The following NUTM2E variants were observed in gnomAD, a reference collection of about 807,000 sequenced individuals.
NUTM2E encodes NUT family member 2E, also known as family with sequence similarity 22, member E.
Under a neutral mutation model 26.1 loss-of-function variants are expected in NUTM2E, and 3 were observed. That is an observed-to-expected ratio of 0.12 (90% CI 0.05 to 0.30). The LOEUF (loss-of-function observed/expected upper bound fraction) is 0.30. Among genes scored for constraint, NUTM2E ranks in the 10% least tolerant of loss-of-function variants. The pLI is 1.00. For missense variants in NUTM2E, 62 were observed against 381.3 expected, an observed-to-expected ratio of 0.16 and a Z score of 6.97; for synonymous variants, 13 against 157.5, an observed-to-expected ratio of 0.08 and a Z score of 6.87.
At chr10:79,828,139 A>C (rs928347913) in intron 1 of NUTM2E, among the ~76,000 whole-genome samples, 1 of 151,422 alleles carries the variant, frequency 6.6e-6, no homozygotes, top group African/African-American at 2.4e-5. Context: ...TTTCAGAATG[A>C]GGCAACTGAT....
intron 1 of NUTM2E, among the ~76,000 whole-genome samples, chr10:79,836,671 A>G: frequency 6.6e-6 from 1 of 151,898 alleles, no homozygotes; most frequent in East Asian, 1.9e-4. Context: ...TAAACACTAC[A>G]AGCTAGAGAA....
rs1841937552 is a variant in NUTM2E, at chr10:79,833,163, A to T, written c.-2727-5146A>T. On this transcript the variant is annotated intron_variant, in intron 1 of 9. Coordinates refer to ENST00000429984, the MANE Select transcript of NUTM2E (RefSeq NM_001355263.2). The stretch of plus-strand genomic sequence containing the variant: ...TTCTATTTAGAGTAAGAATGCCCAC[A>T]TGTATTACAGTCCCCAAAAAGCAAT... 5.9e-5 allele frequency among the ~76,000 whole-genome samples: 9 copies of T among 152,080 alleles called. No individual in the cohort carries two copies. In the South Asian group the frequency reaches 1.9e-3, roughly 32 times the overall value.
chr10:79,836,435 ATTTAC>A (rs1213946080), intron 1 of NUTM2E, among the ~76,000 whole-genome samples: 7 of 151,848 alleles, frequency 4.6e-5, no homozygotes, highest in Non-Finnish European at 8.8e-5. Flanking sequence ...TAGCTTTTAA[ATTTAC>A]TTTATCTCTT....
intron 1 of NUTM2E, among the ~76,000 whole-genome samples, chr10:79,829,154 T>C (rs1172349412): frequency 6.6e-6 from 1 of 151,846 alleles, no homozygotes; most frequent in African/African-American, 2.4e-5. Flanking sequence ...TTCTGGGACC[T>C]TGGACACAGG....
At chr10:79,830,506 T>G (rs528868252) in intron 1 of NUTM2E, among the ~76,000 whole-genome samples, 2 of 151,860 alleles carry the variant, frequency 1.3e-5, no homozygotes, top group African/African-American at 4.8e-5. Context: ...TAAAAACATT[T>G]GTCAATGAAA....
In NUTM2E at chr10:79,826,885, G is replaced by C. The variant is rs921144458; in HGVS notation, c.-3200G>C. 1.3e-5 allele frequency: 2 copies of C among 151,356 alleles called. No homozygotes were observed. The highest frequency in any genetic ancestry group is 3.0e-5 in the Non-Finnish European group (2 of 67,762). The allele number at this position is 151,356 out of a possible 1,614,324, so 9.4% of individuals were successfully genotyped here. On this transcript the variant is annotated 5_prime_UTR_variant, in exon 1 of 10. Coordinates refer to ENST00000429984, the MANE Select transcript of NUTM2E (RefSeq NM_001355263.2). ...TAGTCCCGGACGGGCCCGCGGCATC[G>C]TCCGCGACGCAGCTCGGGATCCGGG...
intron 1 of NUTM2E, among the ~76,000 whole-genome samples, chr10:79,834,257 A>G (rs1338259991): frequency 6.6e-6 from 1 of 151,766 alleles, no homozygotes; most frequent in Admixed American, 6.6e-5. Context: ...TACGTAATGC[A>G]GATGACAGGT....
rs1186230564 is a variant in NUTM2E at position 79,838,841 on chromosome 10, G to T, written c.-2388G>T. Among the ~76,000 whole-genome samples the T allele has an allele frequency of 6.6e-6, 1 of 151,398 alleles. No homozygotes were observed. Among genetic ancestry groups the T allele is most frequent in the Non-Finnish European group, 1.5e-5 (1 of 67,778 alleles). ...TTGGGTCACCGCCCTTTGCTCTCGCGCTGCGCGTCTCCCTGCCATCAACCG... is the reference window on the plus strand; with the variant it reads ...TTGGGTCACCGCCCTTTGCTCTCGCTCTGCGCGTCTCCCTGCCATCAACCG... On this transcript the variant is annotated 5_prime_UTR_variant, in exon 3 of 10. Coordinates refer to ENST00000429984, the MANE Select transcript of NUTM2E (RefSeq NM_001355263.2).
rs1841889940 is a variant in NUTM2E at position 79,827,210 on chromosome 10, C to T, written c.-2875C>T. 6.6e-6 allele frequency: 1 copy of T among 152,498 alleles called. No individual in the cohort carries two copies. Among genetic ancestry groups the T allele is most frequent in the East Asian group, 2.0e-4 (1 of 5,116 alleles). The allele number at this position is 152,498 out of a possible 1,614,324, so 9.4% of individuals were successfully genotyped here. Reference sequence around the variant, plus strand: ...GGCAGGGCCCCATCTGTGTCTTTCGCTCTCGAGCCCCCAGCTAGAGTTGGC... The same window carrying T: ...GGCAGGGCCCCATCTGTGTCTTTCGTTCTCGAGCCCCCAGCTAGAGTTGGC... On this transcript the variant is annotated 5_prime_UTR_variant, in exon 1 of 10. Transcript: ENST00000429984.
chr10:79,834,610 G>C (rs553596158), intron 1 of NUTM2E, among the ~76,000 whole-genome samples: 1 of 150,388 alleles, frequency 6.6e-6, no homozygotes, highest in South Asian at 2.1e-4. Context: ...AGAGGTTTCA[G>C]TGAGCCCAGA....
At chr10:79,831,477 C>T (rs1197561169) in intron 1 of NUTM2E, among the ~76,000 whole-genome samples, 1 of 150,940 alleles carries the variant, frequency 6.6e-6, no homozygotes, top group Non-Finnish European at 1.5e-5. Context: ...TAAAATAAAA[C>T]TGATCAAGCC....
intron 1 of NUTM2E, among the ~76,000 whole-genome samples, chr10:79,837,713 C>G (rs1841972525): frequency 6.6e-6 from 1 of 151,980 alleles, no homozygotes; most frequent in African/African-American, 2.4e-5. Context: ...ATTGATTCAT[C>G]AGTGTGTGTA....
chr10:79,835,914 G>A, intron 1 of NUTM2E, among the ~76,000 whole-genome samples: 1 of 146,500 alleles, frequency 6.8e-6, no homozygotes, highest in Non-Finnish European at 1.5e-5. Flanking sequence ...GATTATGCTA[G>A]TTTTTACTAT....
rs971544047 is a variant in NUTM2E, at chr10:79,826,801, T to C, written c.-3284T>C. The C allele has an allele frequency of 1.3e-5, 2 of 151,646 alleles. No homozygotes were observed. The highest frequency in any genetic ancestry group is 4.8e-5 in the African/African-American group (2 of 41,256). The allele number at this position is 151,646 out of a possible 1,614,324, so 9.4% of individuals were successfully genotyped here. On this transcript the variant is annotated 5_prime_UTR_variant, in exon 1 of 10. Transcript: ENST00000429984. Reference sequence around the variant, plus strand: ...CGAGTAGGGCGCCCGGCTGTCAAACTGGCCGGCGCAGTGCACGCTGGGCCG... The same window carrying C: ...CGAGTAGGGCGCCCGGCTGTCAAACCGGCCGGCGCAGTGCACGCTGGGCCG...
Position 79,827,110 on chromosome 10 carries a change from G to T in NUTM2E, c.-2975G>T, listed in dbSNP as rs2767163. On this transcript the variant is annotated 5_prime_UTR_variant, in exon 1 of 10. Transcript: ENST00000429984. The stretch of plus-strand genomic sequence containing the variant: ...CGGCGAGGTGCGCGGGGTTCGGTGC[G>T]AGCCCCTCGCCCCTGGCCGGGCCAG... 6.6e-6 allele frequency: 1 copy of T among 152,354 alleles called. No homozygotes were observed. The highest frequency in any genetic ancestry group is 2.0e-4 in the East Asian group (1 of 5,128). The allele number at this position is 152,354 out of a possible 1,614,324, so 9.4% of individuals were successfully genotyped here. A position where few individuals can be genotyped will look rare whatever the true frequency, so the allele number is the denominator to read the frequency against.
In NUTM2E at chr10:79,834,207, G is replaced by A. The variant is rs562646249; in HGVS notation, c.-2727-4102G>A. Among the ~76,000 whole-genome samples, 192 of 151,410 alleles carry A rather than the reference G, an allele frequency of 1.3e-3. 3 individuals carry two copies. The highest frequency in any genetic ancestry group is 2.3e-3 in the Non-Finnish European group (153 of 67,824). On this transcript the variant is annotated intron_variant, in intron 1 of 9. Coordinates refer to ENST00000429984, the MANE Select transcript of NUTM2E (RefSeq NM_001355263.2). ...GAAACATCACACACTGGGGCCTGTCGCGGGGTGGGGGGCAAGGGGAGGGAT... is the reference window on the plus strand; with the variant it reads ...GAAACATCACACACTGGGGCCTGTCACGGGGTGGGGGGCAAGGGGAGGGAT...
intron 1 of NUTM2E, chr10:79,827,696 T>G (rs1307205767): frequency 1.3e-5 from 2 of 151,402 alleles, no homozygotes; most frequent in Admixed American, 1.3e-4. Flanking sequence ...ACTAACAAAT[T>G]CATGAAAAAG....
intron 1 of NUTM2E, among the ~76,000 whole-genome samples, chr10:79,837,723 A>T (rs1179602499): frequency 6.6e-6 from 1 of 152,004 alleles, no homozygotes; most frequent in East Asian, 1.9e-4. Flanking sequence ...CAGTGTGTGT[A>T]TGTGTGTGTG....
chr10:79,837,534 G>A (rs1841971499), intron 1 of NUTM2E, among the ~76,000 whole-genome samples: 2 of 152,144 alleles, frequency 1.3e-5, no homozygotes, highest in Non-Finnish European at 2.9e-5. Flanking sequence ...GAAACCACTA[G>A]TTAACACATG....
Sources: allele counts gnomAD v4.1 joint callset (sites outside exome capture counted in the v4.1 genomes callset), GRCh38; gene constraint gnomAD v4.1.1; transcripts MANE v1.5; gene names NCBI Gene and HGNC (gene_info 2026-07-23, HGNC 2026-07-21).